The following RAD51B variants were observed in gnomAD, a reference collection of about 807,000 sequenced individuals.
The protein encoded by RAD51B is DNA repair protein RAD51 homolog 2.
In RAD51B, 38 loss-of-function variants were observed where a neutral mutation model predicts 42.2. The ratio of observed to expected loss-of-function variants is 0.90; its 90% CI spans 0.70 to 1.18. The LOEUF (loss-of-function observed/expected upper bound fraction) is 1.18. Among genes scored for constraint, RAD51B ranks in the 50% most tolerant of loss-of-function variants. The pLI, the probability that RAD51B is intolerant of heterozygous loss-of-function variation, is 0.00. For missense variants in RAD51B, 373 were observed against 400.7 expected (o/e 0.93, Z 0.59); for synonymous variants, 154 against 145.2 (o/e 1.06, Z -0.43).
At chr14:68,232,367 G>GA (rs539753766) in intron 7 of RAD51B, among the ~76,000 whole-genome samples, 12 of 150,750 alleles carry the variant, frequency 8.0e-5, no homozygotes, top group African/African-American at 2.2e-4. Flanking sequence ...CTGGCAAAAA[G>GA]AAAAAAAAAG....
intron 7 of RAD51B, among the ~76,000 whole-genome samples, chr14:68,266,611 G>C (rs1408383122): frequency 2.6e-5 from 4 of 152,164 alleles, no homozygotes; most frequent in Non-Finnish European, 5.9e-5. Flanking sequence ...GGGGTATCCT[G>C]TTCTAAGCCC....
chr14:68,102,965 C>G (rs2077316381), intron 7 of RAD51B, among the ~76,000 whole-genome samples: 1 of 152,126 alleles, frequency 6.6e-6, no homozygotes, highest in Admixed American at 6.6e-5. Flanking sequence ...CACATGGCAG[C>G]AGAAGAGACA....
intron 10 of RAD51B, among the ~76,000 whole-genome samples, chr14:68,558,227 G>A (rs1432517289): frequency 1.3e-5 from 2 of 152,210 alleles, no homozygotes; most frequent in Non-Finnish European, 2.9e-5. Context: ...TCCGTTGGAA[G>A]TAGTTGAATA....
chr14:68,526,279 A>G (rs1886924573), intron 10 of RAD51B, among the ~76,000 whole-genome samples: 1 of 152,254 alleles, frequency 6.6e-6, no homozygotes, highest in South Asian at 2.1e-4. Context: ...CATGTGCCAC[A>G]TAACAATGTT....
intron 10 of RAD51B, among the ~76,000 whole-genome samples, chr14:68,531,489 T>C (rs1887302248): frequency 6.6e-6 from 1 of 152,148 alleles, no homozygotes; most frequent in Admixed American, 6.5e-5. Flanking sequence ...GGGAAATATA[T>C]GTTAATAGGG....
intron 7 of RAD51B, among the ~76,000 whole-genome samples, chr14:68,015,109 G>A (rs2075755338): frequency 6.6e-6 from 1 of 152,148 alleles, no homozygotes; most frequent in Non-Finnish European, 1.5e-5. Flanking sequence ...TCTGTAAAAT[G>A]GCTGAGTTTT....
chr14:68,467,354 C>T (rs532100431), intron 9 of RAD51B, among the ~76,000 whole-genome samples: 1 of 152,348 alleles, frequency 6.6e-6, no homozygotes, highest in South Asian at 2.1e-4. Context: ...TGCTTCATGA[C>T]TCCACTACCA....
At chr14:68,121,306 T>G (rs2077647286) in intron 7 of RAD51B, among the ~76,000 whole-genome samples, 1 of 152,158 alleles carries the variant, frequency 6.6e-6, no homozygotes, top group African/African-American at 2.4e-5. Context: ...GCCAGAGCAT[T>G]TATGAAACTT....
At chr14:68,309,733 T>C (rs17105381) in intron 8 of RAD51B, among the ~76,000 whole-genome samples, 3 of 152,130 alleles carry the variant, frequency 2.0e-5, no homozygotes, top group Non-Finnish European at 4.4e-5. Flanking sequence ...TGCAGTGTTG[T>C]TTGCTGTAAA....
intron 10 of RAD51B, among the ~76,000 whole-genome samples, chr14:68,518,458 G>C (rs1280880479): frequency 1.3e-5 from 2 of 152,136 alleles, no homozygotes; most frequent in African/African-American, 2.4e-5. Flanking sequence ...CGCCTAGTCG[G>C]GGGGCGGGAG....
intron 7 of RAD51B, among the ~76,000 whole-genome samples, chr14:68,094,656 G>A (rs1198355759): frequency 3.9e-5 from 6 of 152,138 alleles, no homozygotes; most frequent in African/African-American, 1.4e-4. Context: ...GCCAACAGAG[G>A]CCTTGGACAG....
chr14:68,626,065 G>A (rs752797903), intron 10 of RAD51B, among the ~76,000 whole-genome samples: 6 of 152,208 alleles, frequency 3.9e-5, no homozygotes, highest in Admixed American at 6.5e-5. Flanking sequence ...GTTATCCCCC[G>A]TATTTATCCA....
chr14:68,133,754 G>A (rs1052475658), intron 7 of RAD51B, among the ~76,000 whole-genome samples: 2 of 152,160 alleles, frequency 1.3e-5, no homozygotes, highest in Non-Finnish European at 2.9e-5. Flanking sequence ...TTACAGGCAT[G>A]AGCCACCATG....
chr14:68,296,611 T>C (rs927436558), intron 8 of RAD51B, among the ~76,000 whole-genome samples: 2 of 152,112 alleles, frequency 1.3e-5, no homozygotes. Context: ...ACCAGATGAG[T>C]GCCCACCTAC....
chr14:68,288,485 C>G (rs2081455486), intron 7 of RAD51B, among the ~76,000 whole-genome samples: 1 of 152,216 alleles, frequency 6.6e-6, no homozygotes, highest in South Asian at 2.1e-4. Flanking sequence ...TACTCTTTCA[C>G]CAGAAGTGGA....
intron 4 of RAD51B, among the ~76,000 whole-genome samples, chr14:67,849,382 A>G (rs983124510): frequency 3.3e-5 from 5 of 152,126 alleles, no homozygotes; most frequent in African/African-American, 1.2e-4. Context: ...CCCGGGTTCA[A>G]GCAATTCTCC....
intron 8 of RAD51B, among the ~76,000 whole-genome samples, chr14:68,310,060 G>A (rs1263406472): frequency 6.6e-6 from 1 of 152,148 alleles, no homozygotes; most frequent in Non-Finnish European, 1.5e-5. Flanking sequence ...CCATTGTCAG[G>A]CATGGAAATA....
chr14:68,124,812 C>A (rs1595434624), intron 7 of RAD51B, among the ~76,000 whole-genome samples: 1 of 151,898 alleles, frequency 6.6e-6, no homozygotes, highest in East Asian at 1.9e-4. Context: ...ATTAGCTGGG[C>A]ATGGCGGGCA....
rs543970847 is a variant in RAD51B at position 67,832,371 on chromosome 14, A to G, written c.199-2709A>G. 2.0e-5 allele frequency among the ~76,000 whole-genome samples: 3 copies of G among 152,364 alleles called. No individual in the cohort carries two copies. In the East Asian group the frequency reaches 5.8e-4, roughly 29 times the overall value. On this transcript the variant is annotated intron_variant, in intron 3 of 10. Transcript: ENST00000471583. Reference sequence around the variant, plus strand: ...TATATAGTATACATGCCAATTTTATAAAAATGACCGTTATAAAGGTATTTG... The same window carrying G: ...TATATAGTATACATGCCAATTTTATGAAAATGACCGTTATAAAGGTATTTG...
Sources: allele counts gnomAD v4.1 joint callset (sites outside exome capture counted in the v4.1 genomes callset), GRCh38; gene constraint gnomAD v4.1.1; transcripts MANE v1.5; gene names NCBI Gene and HGNC (gene_info 2026-07-23, HGNC 2026-07-21).